Variants in GULP1 observed in about 807,000 individuals in gnomAD.
GULP1 encodes the protein GULP PTB domain containing engulfment adaptor 1.
Under a neutral mutation model 40.9 loss-of-function variants are expected in GULP1, and 19 were observed. The observed-to-expected ratio is 0.46, with a 90% CI of 0.32 to 0.68. The LOEUF is 0.68. GULP1 is among the 30% of genes least tolerant of loss of function. The pLI is 0.03. For missense variants in GULP1, 312 were observed against 362.2 expected, an observed-to-expected ratio of 0.86 and a Z score of 1.12; for synonymous variants, 119 against 117.6, an observed-to-expected ratio of 1.01 and a Z score of -0.08.
At chr2:188,486,351 T>C (rs562910913) in intron 4 of GULP1, among the ~76,000 whole-genome samples, 1 of 152,070 alleles carries the variant, frequency 6.6e-6, no homozygotes, top group South Asian at 2.1e-4. Flanking sequence ...GGTATATAAG[T>C]AGAGAATAAG....
chr2:188,335,669 T>C (rs2042163089), intron 1 of GULP1, among the ~76,000 whole-genome samples: 1 of 152,174 alleles, frequency 6.6e-6, no homozygotes, highest in Admixed American at 6.5e-5. Flanking sequence ...TTGCATAGGA[T>C]TTGACGCAAA....
intron 4 of GULP1, among the ~76,000 whole-genome samples, chr2:188,494,343 C>T (rs2062695510): frequency 6.6e-6 from 1 of 152,024 alleles, no homozygotes; most frequent in African/African-American, 2.4e-5. Context: ...CACCTGGTGT[C>T]AGTCAGTGCT....
At chr2:188,444,654 T>C (rs1270026769) in intron 2 of GULP1, among the ~76,000 whole-genome samples, 8 of 152,316 alleles carry the variant, frequency 5.3e-5, no homozygotes, top group African/African-American at 9.6e-5. Context: ...TAATTTCCGA[T>C]ATTCTGTGTG....
At chr2:188,348,610 AATATCACG>A (rs143330967) in intron 1 of GULP1, among the ~76,000 whole-genome samples, 4,100 of 152,270 alleles carry the variant, frequency 0.027, 191 homozygotes, top group East Asian at 0.17. Flanking sequence ...AAACAAGCAG[AATATCACG>A]ATACTGAAAG....
intron 4 of GULP1, among the ~76,000 whole-genome samples, chr2:188,509,713 A>G (rs1207903263): frequency 3.3e-5 from 5 of 151,424 alleles, no homozygotes. Context: ...AACAATAATC[A>G]CTTACAGCTA....
At chr2:188,560,959 C>A (rs561028696) in intron 7 of GULP1, among the ~76,000 whole-genome samples, 1 of 152,218 alleles carries the variant, frequency 6.6e-6, no homozygotes, top group African/African-American at 2.4e-5. Context: ...TCACCTCCCA[C>A]CAGGTCCCAC....
chr2:188,561,296 A>G (rs1335411915), intron 7 of GULP1, among the ~76,000 whole-genome samples: 1 of 152,142 alleles, frequency 6.6e-6, no homozygotes, highest in African/African-American at 2.4e-5. Flanking sequence ...GGCACAGTGG[A>G]CTGAGCAGGT....
chr2:188,556,157 G>C (rs960655168), intron 7 of GULP1, among the ~76,000 whole-genome samples: 3 of 151,952 alleles, frequency 2.0e-5, no homozygotes, highest in African/African-American at 7.3e-5. Context: ...TTCACCCTTG[G>C]GAACACTGAT....
intron 1 of GULP1, among the ~76,000 whole-genome samples, chr2:188,346,641 G>C (rs1164460731): frequency 6.6e-6 from 1 of 150,824 alleles, no homozygotes; most frequent in Non-Finnish European, 1.5e-5. Context: ...TACAGGCGCC[G>C]GCCACCACGC....
chr2:188,589,826 T>G (rs900142681), intron 11 of GULP1: 6 of 662,084 alleles, frequency 9.1e-6, no homozygotes, highest in African/African-American at 7.5e-5. Flanking sequence ...TTTGCATGCC[T>G]TATTTAATAA....
At chr2:188,414,697 C>T (rs2054356681) in intron 2 of GULP1, among the ~76,000 whole-genome samples, 1 of 152,116 alleles carries the variant, frequency 6.6e-6, no homozygotes, top group South Asian at 2.1e-4. Flanking sequence ...CAGGGGCTTA[C>T]AATTTTGCTG....
intron 1 of GULP1, among the ~76,000 whole-genome samples, chr2:188,366,739 G>A (rs1339871934): frequency 2.6e-5 from 4 of 151,810 alleles, no homozygotes; most frequent in East Asian, 2.0e-4. Flanking sequence ...GACTACAGGC[G>A]CCCGCCACCA....
chr2:188,349,439 G>A (rs1056872719), intron 1 of GULP1, among the ~76,000 whole-genome samples: 2 of 152,110 alleles, frequency 1.3e-5, no homozygotes, highest in African/African-American at 4.8e-5. Flanking sequence ...CCATCCTAGT[G>A]GGTGTGTAGT....
chr2:188,312,950 A>G (rs2038425501), intron 1 of GULP1, among the ~76,000 whole-genome samples: 2 of 145,104 alleles, frequency 1.4e-5, no homozygotes, highest in African/African-American at 5.0e-5. Flanking sequence ...TCCTTTGCCC[A>G]CTTTTTGATG....
In GULP1 at chr2:188,466,298, C is replaced by CCG. The variant is rs1349115470; in HGVS notation, c.-44-11360_-44-11359insGC. 3.3e-5 allele frequency among the ~76,000 whole-genome samples: 5 copies of CCG among 151,436 alleles called. No individual in the cohort carries two copies. In the East Asian group the frequency reaches 7.8e-4, roughly 24 times the overall value. On this transcript the variant is annotated intron_variant, in intron 2 of 11. Coordinates refer to ENST00000409830, the MANE Select transcript of GULP1 (RefSeq NM_016315.4). ...TCAGTGGCTGGTTTTTTTTTCCCCC[C>CCG]CCGGAGTCTTGCTCTGTCACCCAGG...
chr2:188,361,324 C>T (rs2046049822), intron 1 of GULP1, among the ~76,000 whole-genome samples: 2 of 151,728 alleles, frequency 1.3e-5, no homozygotes, highest in African/African-American at 4.8e-5. Context: ...AAAAGAAATC[C>T]TAAGGCAGGA....
intron 4 of GULP1, among the ~76,000 whole-genome samples, chr2:188,517,910 A>G (rs2153223214): frequency 6.6e-6 from 1 of 152,198 alleles, no homozygotes; most frequent in South Asian, 2.1e-4. Context: ...TTTGCAGCCC[A>G]GAGGTCCCCG....
intron 1 of GULP1, among the ~76,000 whole-genome samples, chr2:188,333,028 T>A (rs1317801299): frequency 6.6e-6 from 1 of 152,060 alleles, no homozygotes; most frequent in East Asian, 1.9e-4. Context: ...GCGGATTGCC[T>A]GAACCCAGGA....
intron 2 of GULP1, among the ~76,000 whole-genome samples, chr2:188,385,496 A>G (rs991600459): frequency 6.6e-6 from 1 of 152,084 alleles, no homozygotes. Flanking sequence ...TTTCCCCATT[A>G]TCTTGATGAT....
Sources: gnomAD v4.1 joint callset for allele counts (sites outside exome capture counted in the v4.1 genomes callset) on GRCh38, gnomAD v4.1.1 for gene constraint, MANE v1.5 for transcripts, NCBI Gene and HGNC (gene_info 2026-07-23, HGNC 2026-07-21) for gene names.